Variants in PTPRD observed in about 807,000 individuals in gnomAD.
PTPRD encodes receptor-type tyrosine-protein phosphatase delta.
Under a neutral mutation model 214.5 loss-of-function variants are expected in PTPRD, and 34 were observed. That is an observed-to-expected ratio of 0.16 (90% confidence interval 0.12 to 0.21). PTPRD has a LOEUF of 0.21. Among genes scored for constraint, PTPRD ranks in the 10% least tolerant of loss-of-function variants. The pLI is 1.00. For synonymous variants in PTPRD, 1,128 were observed against 845.7 expected (o/e 1.33, Z -5.79); for missense variants, 2,545 against 2,398.7 (o/e 1.06, Z -1.27).
chr9:8,755,194 C>T (rs2154469717), intron 11 of PTPRD, among the ~76,000 whole-genome samples: 1 of 148,430 alleles, frequency 6.7e-6, no homozygotes. Context: ...AGGTTATACT[C>T]AACAATAACT....
At chr9:10,013,033 T>G (rs755915867) in intron 4 of PTPRD, among the ~76,000 whole-genome samples, 2 of 152,094 alleles carry the variant, frequency 1.3e-5, no homozygotes, top group East Asian at 3.9e-4. Context: ...CGCTAGAGAA[T>G]AGAATAAGCA....
intron 11 of PTPRD, among the ~76,000 whole-genome samples, chr9:8,843,807 A>T (rs543553985): frequency 6.6e-6 from 1 of 152,298 alleles, no homozygotes; most frequent in South Asian, 2.1e-4. Context: ...AGTGTAACAA[A>T]GACAGTGTCA....
intron 3 of PTPRD, among the ~76,000 whole-genome samples, chr9:10,269,240 T>G (rs1392173332): frequency 6.6e-6 from 1 of 152,196 alleles, no homozygotes; most frequent in Non-Finnish European, 1.5e-5. Context: ...AATTTCTAAT[T>G]GCCCTAACTA....
At chr9:10,244,597 G>T (rs1219664540) in intron 3 of PTPRD, among the ~76,000 whole-genome samples, 1 of 151,814 alleles carries the variant, frequency 6.6e-6, no homozygotes, top group Non-Finnish European at 1.5e-5. Flanking sequence ...TTGGATATGA[G>T]CCAGGGAATC....
chr9:10,303,035 A>G (rs1282075288), intron 3 of PTPRD, among the ~76,000 whole-genome samples: 1 of 152,178 alleles, frequency 6.6e-6, no homozygotes, highest in Non-Finnish European at 1.5e-5. Context: ...AGGGAATGCA[A>G]AACAATAGCA....
rs193143627 is a variant in PTPRD, at chr9:9,671,916, T to C, written c.-287+62617A>G. On this transcript the variant is annotated intron_variant, in intron 7 of 45. Transcript: ENST00000381196. ...TACATTTGCCACAAACATTCCTGTA[T>C]AAACATCCAAACCAAAGAAGACTAT... Among the ~76,000 whole-genome samples, 377 of 152,284 alleles carry C rather than the reference T, an allele frequency of 2.5e-3. 2 individuals are homozygous for C. Among genetic ancestry groups the C allele is most frequent in the African/African-American group, 8.5e-3 (353 of 41,556 alleles).
intron 5 of PTPRD, among the ~76,000 whole-genome samples, chr9:9,874,090 C>T (rs547821815): frequency 1.3e-5 from 2 of 152,002 alleles, no homozygotes; most frequent in South Asian, 4.2e-4. Context: ...AGGACCTTGC[C>T]CTTGTAGAAT....
At chr9:9,244,585 C>T (rs180854491) in intron 9 of PTPRD, among the ~76,000 whole-genome samples, 75 of 152,158 alleles carry the variant, frequency 4.9e-4, no homozygotes, top group Non-Finnish European at 7.8e-4. Flanking sequence ...GCTAGCCATA[C>T]GTAAAAAGCT....
chr9:9,567,274 G>A (rs1048504694), intron 8 of PTPRD, among the ~76,000 whole-genome samples: 2 of 151,740 alleles, frequency 1.3e-5, no homozygotes, highest in African/African-American at 2.4e-5. Flanking sequence ...TCTGCTAGGG[G>A]TGGGATTGTT....
chr9:8,676,051 T>A (rs143307435), intron 12 of PTPRD, among the ~76,000 whole-genome samples: 1 of 152,174 alleles, frequency 6.6e-6, no homozygotes, highest in Non-Finnish European at 1.5e-5. Flanking sequence ...GTGCCTTTCA[T>A]ACAAACCTAT....
chr9:10,070,020 A>T (rs2097968781), intron 3 of PTPRD, among the ~76,000 whole-genome samples: 1 of 152,074 alleles, frequency 6.6e-6, no homozygotes, highest in South Asian at 2.1e-4. Flanking sequence ...TGAAACCAAG[A>T]CCTACTGATT....
At chr9:9,074,624 G>C (rs1486514100) in intron 10 of PTPRD, among the ~76,000 whole-genome samples, 6 of 151,922 alleles carry the variant, frequency 3.9e-5, no homozygotes, top group Admixed American at 6.6e-5. Flanking sequence ...GTGATGTTAA[G>C]CACCTTTCAT....
At chr9:9,636,721 T>C (rs1322187868) in intron 7 of PTPRD, among the ~76,000 whole-genome samples, 2 of 152,216 alleles carry the variant, frequency 1.3e-5, no homozygotes, top group South Asian at 2.1e-4. Flanking sequence ...GAGAGAAAGA[T>C]TTCAATATAT....
chr9:10,553,765 T>C (rs2061865227), intron 2 of PTPRD, among the ~76,000 whole-genome samples: 1 of 152,036 alleles, frequency 6.6e-6, no homozygotes, highest in African/African-American at 2.4e-5. Flanking sequence ...CTAGTTTTCT[T>C]ATTAATAATG....
At chr9:9,853,255 G>A (rs371520065) in intron 5 of PTPRD, among the ~76,000 whole-genome samples, 2 of 152,146 alleles carry the variant, frequency 1.3e-5, no homozygotes, top group South Asian at 2.1e-4. Context: ...AGACAACATG[G>A]AAACAACTGA....
At chr9:10,566,576 A>G (rs1222930020) in intron 2 of PTPRD, among the ~76,000 whole-genome samples, 2 of 151,964 alleles carry the variant, frequency 1.3e-5, no homozygotes, top group African/African-American at 4.8e-5. Flanking sequence ...TATGTTCTGT[A>G]TATTAGTTAA....
chr9:8,557,472 G>A (rs1343727317), intron 14 of PTPRD, among the ~76,000 whole-genome samples: 1 of 131,064 alleles, frequency 7.6e-6, no homozygotes, highest in Non-Finnish European at 1.5e-5. Context: ...GCCGGGCGCG[G>A]TGGCTCATCC....
At chr9:10,377,796 T>C (rs886842536) in intron 2 of PTPRD, among the ~76,000 whole-genome samples, 6 of 152,078 alleles carry the variant, frequency 3.9e-5, no homozygotes, top group African/African-American at 1.4e-4. Context: ...ACATTTTCTT[T>C]ATCCATTCAT....
chr9:9,711,000 A>C (rs186657583), intron 7 of PTPRD, among the ~76,000 whole-genome samples: 1 of 152,116 alleles, frequency 6.6e-6, no homozygotes, highest in Non-Finnish European at 1.5e-5. Flanking sequence ...GTGTGTATGC[A>C]CACGACAACG....
Sources: gnomAD v4.1 joint callset for allele counts (sites outside exome capture counted in the v4.1 genomes callset) on GRCh38, gnomAD v4.1.1 for gene constraint, MANE v1.5 for transcripts, NCBI Gene and HGNC (gene_info 2026-07-23, HGNC 2026-07-21) for gene names.